Variants in SAMD8 observed in about 807,000 individuals in gnomAD.
SAMD8 encodes sphingomyelin synthase-related protein 1.
SAMD8 carries 20 observed loss-of-function variants against 42.0 expected under a neutral mutation model. The ratio of observed to expected loss-of-function variants is 0.48; its 90% CI spans 0.34 to 0.69. The LOEUF (loss-of-function observed/expected upper bound fraction) is 0.69, where lower values mean the gene tolerates loss of function less well. Among genes scored for constraint, SAMD8 ranks in the 30% least tolerant of loss-of-function variants. SAMD8 has a pLI of 0.01. For synonymous variants in SAMD8, 162 were observed against 173.0 expected, an observed-to-expected ratio of 0.94 and a Z score of 0.50; for missense variants, 328 against 511.6, an observed-to-expected ratio of 0.64 and a Z score of 3.46.
At chr10:75,165,977 C>CAA (rs56839743) in intron 3 of SAMD8, among the ~76,000 whole-genome samples, 93 of 62,370 alleles carry the variant, frequency 1.5e-3, no homozygotes, top group African/African-American at 2.5e-3. Context: ...ACCCTGTCTC[C>CAA]AAAAAAAAAA....
upstream of SAMD8, chr10:75,109,231 A>G: frequency 1.4e-6 from 2 of 1,448,264 alleles, no homozygotes; most frequent in Middle Eastern, 4.1e-4. Flanking sequence ...TCCTTCCCAG[A>G]GATTGACAGG....
intron 1 of SAMD8, among the ~76,000 whole-genome samples, chr10:75,118,886 A>T (rs1364377387): frequency 1.3e-5 from 2 of 152,156 alleles, no homozygotes; most frequent in Non-Finnish European, 2.9e-5. Flanking sequence ...AATTGTTTTT[A>T]TGTTCTGGTT....
At chr10:75,159,380 A>G (rs1294507631) in intron 2 of SAMD8, among the ~76,000 whole-genome samples, 1 of 152,096 alleles carries the variant, frequency 6.6e-6, no homozygotes, top group African/African-American at 2.4e-5. Flanking sequence ...ATCAATTTGC[A>G]GTGAGGATTT....
chr10:75,115,302 C>T (rs1449945015), intron 1 of SAMD8, among the ~76,000 whole-genome samples: 7 of 152,122 alleles, frequency 4.6e-5, no homozygotes, highest in Admixed American at 2.0e-4. Context: ...CAGAGAAAGC[C>T]ATTTGACAAC....
intron 1 of SAMD8, among the ~76,000 whole-genome samples, chr10:75,143,215 G>A (rs1457520466): frequency 6.6e-6 from 1 of 152,216 alleles, no homozygotes; most frequent in African/African-American, 2.4e-5. Context: ...GCTGAGGCAG[G>A]AGAATCTCTT....
chr10:75,161,022 T>G (rs1156613065), intron 2 of SAMD8, among the ~76,000 whole-genome samples: 1 of 152,072 alleles, frequency 6.6e-6, no homozygotes, highest in African/African-American at 2.4e-5. Flanking sequence ...TAGCCGCGAT[T>G]GCGCCACTGT....
intron 2 of SAMD8, among the ~76,000 whole-genome samples, chr10:75,160,726 T>G (rs923036499): frequency 4.6e-5 from 7 of 152,062 alleles, no homozygotes; most frequent in African/African-American, 1.7e-4. Flanking sequence ...GTACCTGTTG[T>G]GAGGTTGTGG....
intron 1 of SAMD8, chr10:75,101,906 G>C: frequency 1.5e-6 from 2 of 1,367,510 alleles, no homozygotes; most frequent in Non-Finnish European, 2.0e-6. Flanking sequence ...CTTCTCTGAC[G>C]GGCAGTTCGT....
chr10:75,158,007 A>G (rs911759289), intron 2 of SAMD8, among the ~76,000 whole-genome samples: 2 of 151,922 alleles, frequency 1.3e-5, no homozygotes, highest in African/African-American at 4.8e-5. Flanking sequence ...TAAAAATTCA[A>G]AATTAGCCAG....
At chr10:75,102,468 A>G (rs1344265765) in intron 1 of SAMD8, among the ~76,000 whole-genome samples, 1 of 152,162 alleles carries the variant, frequency 6.6e-6, no homozygotes, top group East Asian at 1.9e-4. Flanking sequence ...AAAAACAAAA[A>G]GAAAAAAAGA....
In SAMD8 at chr10:75,177,054, C is replaced by G. The variant is rs1372400782; in HGVS notation, c.*362C>G. The G allele has an allele frequency of 5.7e-6, 1 of 174,920 alleles. No individual in the cohort carries two copies. Among genetic ancestry groups the G allele is most frequent in the Non-Finnish European group, 1.2e-5 (1 of 82,964 alleles). 10.8% of individuals were successfully genotyped at this position (174,920 alleles called of 1,614,324 possible). A position where few individuals can be genotyped will look rare whatever the true frequency, so the allele number is the denominator to read the frequency against. On this transcript the variant is annotated 3_prime_UTR_variant, in exon 6 of 6. Coordinates refer to ENST00000542569, the MANE Select transcript of SAMD8 (RefSeq NM_001174156.2). ...ATTTTCATTGATTTCCAGTAGGGCT[C>G]TAGTCAAGAAATAATATGTTTTGAA...
Position 75,150,791 on chromosome 10 carries a change from A to T in SAMD8, c.263A>T (p.Tyr88Phe). The T allele has an allele frequency of 6.2e-7, 1 of 1,614,210 alleles. No individual in the cohort carries two copies. ...IHIDVLEEMG[Y>F]NSDSPMGSMT... is the part of the protein sequence containing the mutation. The stretch of plus-strand genomic sequence containing the variant: ...ATTGATGTTTTAGAAGAGATGGGCT[A>T]CAACAGTGACAGTCCCATGGGTTCC... The change falls in exon 2 of 6, where the codon TAC (tyrosine) becomes TTC (phenylalanine). Residue 88 changes from tyrosine (Y) to phenylalanine (F), a missense_variant. Tyr to Phe is a conservative substitution (Grantham distance 22). This residue lies in a region of SAMD8 where 150 missense variants were observed against 186.0 expected (regional missense o/e 0.81). Transcript: ENST00000542569.
intron 1 of SAMD8, among the ~76,000 whole-genome samples, chr10:75,129,881 C>T (rs1176922644): frequency 6.6e-6 from 1 of 152,088 alleles, no homozygotes; most frequent in South Asian, 2.1e-4. Flanking sequence ...CTTGTCTCCC[C>T]CTAAAAAGAA....
At chr10:75,119,272 A>G (rs1262732945) in intron 1 of SAMD8, among the ~76,000 whole-genome samples, 2 of 151,898 alleles carry the variant, frequency 1.3e-5, no homozygotes. Flanking sequence ...ATTCTGCCTC[A>G]GCCTACTGAG....
rs148293376 is a variant in SAMD8 at position 75,132,588 on chromosome 10, C to T, written c.-15-17926C>T. 9.2e-5 allele frequency among the ~76,000 whole-genome samples: 14 copies of T among 151,760 alleles called. 1 individual carries two copies. The highest frequency in any genetic ancestry group is 3.4e-4 in the African/African-American group (14 of 41,394). ...TTATGGATATAAAACTCCCTGAAGC[C>T]GTGAAGAATTTGTAATAAAGTATTA... On this transcript the variant is annotated intron_variant, in intron 1 of 5. Transcript: ENST00000542569.
intron 1 of SAMD8, among the ~76,000 whole-genome samples, chr10:75,146,200 C>G (rs1213690343): frequency 2.6e-5 from 4 of 151,092 alleles, no homozygotes; most frequent in Non-Finnish European, 5.9e-5. Context: ...AAGGCCGTAA[C>G]CTGGGGCAGT....
In SAMD8 at chr10:75,150,964, G is replaced by C. The variant is rs1321149395; in HGVS notation, c.436G>C (p.Asp146His). 1.9e-6 allele frequency: 3 copies of C among 1,613,008 alleles called. No individual in the cohort carries two copies. The highest frequency in any genetic ancestry group is 2.5e-6 in the Non-Finnish European group (3 of 1,179,738). The change falls in exon 2 of 6, where the codon GAC becomes CAC. Residue 146 changes from aspartate (D) to histidine (H), a missense_variant. By Grantham distance (81) the Asp-to-His change is moderately conservative (BLOSUM62 -1). Coordinates refer to ENST00000542569, the MANE Select transcript of SAMD8 (RefSeq NM_001174156.2). ...AAACAAACATTCTGTTCGAAGATTG[G>C]ACCCAGAATACTGGAAGACTATACT... ...GKNKHSVRRL[D>H]PEYWKTILSC... is the part of the protein sequence containing the mutation.
chr10:75,154,247 C>T (rs1170460332), intron 2 of SAMD8, among the ~76,000 whole-genome samples: 1 of 152,198 alleles, frequency 6.6e-6, no homozygotes, highest in Admixed American at 6.5e-5. Context: ...TGAGAACCAA[C>T]CCCGTTTATA....
intron 1 of SAMD8, among the ~76,000 whole-genome samples, chr10:75,112,295 A>G (rs1464367282): frequency 6.6e-6 from 1 of 152,190 alleles, no homozygotes; most frequent in African/African-American, 2.4e-5. Flanking sequence ...TGGATGGGAA[A>G]TCGTCTGGCC....
Sources: gnomAD v4.1 joint callset for allele counts (sites outside exome capture counted in the v4.1 genomes callset) on GRCh38, gnomAD v4.1.1 for gene constraint, gnomAD v4.1.1 regional missense constraint, MANE v1.5 for transcripts, NCBI Gene and HGNC (gene_info 2026-07-23, HGNC 2026-07-21) for gene names.